YAP1: variants seen among roughly 807,000 people sequenced by gnomAD.
YAP1 encodes Yes1 associated transcriptional regulator.
YAP1 carries 5 observed loss-of-function variants against 56.9 expected under a neutral mutation model. The ratio of observed to expected loss-of-function variants is 0.09; its 90% CI spans 0.05 to 0.18. YAP1 has a LOEUF of 0.18. Ranked by LOEUF, YAP1 falls within the 10% of genes least tolerant of loss-of-function variation. The pLI, the probability that YAP1 is intolerant of heterozygous loss-of-function variation, is 1.00. For synonymous variants in YAP1, 265 were observed against 248.1 expected (o/e 1.07, Z -0.64); for missense variants, 539 against 651.8 (o/e 0.83, Z 1.88).
At chr11:102,126,051 A>G (rs893942340) in intron 2 of YAP1, among the ~76,000 whole-genome samples, 1 of 152,034 alleles carries the variant, frequency 6.6e-6, no homozygotes, top group African/African-American at 2.4e-5. Context: ...GCTCTCAGCT[A>G]TGTCATGTGT....
chr11:102,217,674 G>C (rs1193502603), intron 6 of YAP1, among the ~76,000 whole-genome samples: 1 of 152,076 alleles, frequency 6.6e-6, no homozygotes. Flanking sequence ...GAAGTAGTGG[G>C]AGAAAATTTT....
chr11:102,219,509 C>T (rs1565282412), intron 6 of YAP1, among the ~76,000 whole-genome samples: 5 of 151,994 alleles, frequency 3.3e-5, no homozygotes, highest in African/African-American at 9.7e-5. Flanking sequence ...GAGGATGTGT[C>T]CTCCCACAGA....
At chr11:102,157,143 A>C (rs948678161) in intron 2 of YAP1, among the ~76,000 whole-genome samples, 3 of 152,168 alleles carry the variant, frequency 2.0e-5, no homozygotes, top group African/African-American at 7.2e-5. Context: ...TAAGATTCTG[A>C]TATCCTGTAG....
intron 2 of YAP1, among the ~76,000 whole-genome samples, chr11:102,117,430 G>T (rs928287914): frequency 2.0e-5 from 3 of 152,202 alleles, no homozygotes; most frequent in African/African-American, 7.2e-5. Flanking sequence ...TATTTGGCAT[G>T]AAGAACCTGA....
intron 4 of YAP1, among the ~76,000 whole-genome samples, chr11:102,200,988 C>A (rs1352720380): frequency 2.0e-5 from 3 of 152,096 alleles, no homozygotes; most frequent in African/African-American, 7.2e-5. Flanking sequence ...AAGTACAACT[C>A]CTGGGGTGGG....
At chr11:102,217,782 C>T (rs920499813) in intron 6 of YAP1, among the ~76,000 whole-genome samples, 12 of 152,090 alleles carry the variant, frequency 7.9e-5, no homozygotes, top group Middle Eastern at 3.4e-3. Flanking sequence ...CTCTGCCTCC[C>T]GGGTTCAAGC....
At chr11:102,215,726 G>C (rs984351540) in intron 6 of YAP1, among the ~76,000 whole-genome samples, 1 of 152,144 alleles carries the variant, frequency 6.6e-6, no homozygotes, top group African/African-American at 2.4e-5. Flanking sequence ...TGATCCACCT[G>C]CCTTGGCCTC....
At chr11:102,124,191 G>C (rs886833182) in intron 2 of YAP1, among the ~76,000 whole-genome samples, 4 of 151,896 alleles carry the variant, frequency 2.6e-5, no homozygotes, top group African/African-American at 7.3e-5. Context: ...GACCTCAAGT[G>C]ATCTGCCTGC....
At chr11:102,167,332 G>T (rs1185491022) in intron 3 of YAP1, among the ~76,000 whole-genome samples, 2 of 152,186 alleles carry the variant, frequency 1.3e-5, no homozygotes, top group Non-Finnish European at 2.9e-5. Context: ...ATGGAATAAT[G>T]TATTAAGATA....
intron 2 of YAP1, among the ~76,000 whole-genome samples, chr11:102,141,919 T>G (rs1278847426): frequency 1.3e-5 from 2 of 152,194 alleles, no homozygotes; most frequent in African/African-American, 2.4e-5. Context: ...TTTGTAAAAT[T>G]CGGGGATTGG....
intron 2 of YAP1, among the ~76,000 whole-genome samples, chr11:102,139,272 G>A (rs193023862): frequency 4.1e-4 from 62 of 151,966 alleles, no homozygotes; most frequent in South Asian, 3.9e-3. Flanking sequence ...TTTTGGTAGT[G>A]GAGTTGTATT....
At chr11:102,112,675 A>G (rs1263982462) in intron 1 of YAP1, 1 of 984,352 alleles carries the variant, frequency 1.0e-6, no homozygotes, top group Non-Finnish European at 1.2e-6. Context: ...GATGACAAAA[A>G]CCCGGGTTAA....
At chr11:102,190,033 C>T (rs1948191451) in intron 4 of YAP1, among the ~76,000 whole-genome samples, 1 of 152,140 alleles carries the variant, frequency 6.6e-6, no homozygotes, top group Non-Finnish European at 1.5e-5. Context: ...GGGGGAAAAC[C>T]ACTGAAGTCT....
intron 4 of YAP1, among the ~76,000 whole-genome samples, chr11:102,201,353 C>T (rs1392971237): frequency 6.6e-6 from 1 of 152,244 alleles, no homozygotes. Context: ...TGTTTGCTTA[C>T]ATTTTTAAGG....
At chr11:102,195,033 C>G (rs891486490) in intron 4 of YAP1, among the ~76,000 whole-genome samples, 2 of 152,140 alleles carry the variant, frequency 1.3e-5, no homozygotes, top group African/African-American at 4.8e-5. Context: ...GCTGGTATTA[C>G]AGGTGCAAAT....
At chr11:102,208,139 C>G (rs1163247129) in intron 5 of YAP1, among the ~76,000 whole-genome samples, 2 of 152,208 alleles carry the variant, frequency 1.3e-5, no homozygotes, top group African/African-American at 4.8e-5. Flanking sequence ...ATTGTCTGTT[C>G]TCAGATCCCA....
intron 2 of YAP1, among the ~76,000 whole-genome samples, chr11:102,144,892 GCT>G (rs1945240681): frequency 1.3e-5 from 2 of 150,246 alleles, no homozygotes; most frequent in African/African-American, 4.9e-5. Flanking sequence ...ACACACTCAT[GCT>G]CACACACTCA....
intron 2 of YAP1, among the ~76,000 whole-genome samples, chr11:102,135,363 T>C (rs1243406407): frequency 6.6e-6 from 1 of 152,116 alleles, no homozygotes; most frequent in Non-Finnish European, 1.5e-5. Flanking sequence ...CACAGCAGGG[T>C]GATTCTTTTC....
intron 7 of YAP1, among the ~76,000 whole-genome samples, chr11:102,226,600 G>GA (rs1950209233): frequency 6.6e-6 from 1 of 152,190 alleles, no homozygotes; most frequent in African/African-American, 2.4e-5. Context: ...CTGATGTCTA[G>GA]ATGCTACTAG....
Sources: gnomAD v4.1 joint callset for allele counts (sites outside exome capture counted in the v4.1 genomes callset) on GRCh38, gnomAD v4.1.1 for gene constraint, MANE v1.5 for transcripts, NCBI Gene and HGNC (gene_info 2026-07-23, HGNC 2026-07-21) for gene names.